The following NAALADL2 variants were observed in gnomAD, a reference collection of about 807,000 sequenced individuals.
The protein encoded by NAALADL2 is N-acetylated alpha-linked acidic dipeptidase like 2, also known as inactive N-acetylated-alpha-linked acidic dipeptidase-like protein 2.
In NAALADL2, 76 loss-of-function variants were observed where a neutral mutation model predicts 87.2. That is an observed-to-expected ratio of 0.87 (90% CI 0.72 to 1.05). The LOEUF (loss-of-function observed/expected upper bound fraction) is 1.05. NAALADL2 is among the 50% of genes least tolerant of loss of function. The pLI is 0.00. For missense variants in NAALADL2, 1,089 were observed against 945.8 expected, an observed-to-expected ratio of 1.15 and a Z score of -1.99; for synonymous variants, 354 against 331.0, an observed-to-expected ratio of 1.07 and a Z score of -0.75.
At chr3:175,379,228 A>G (rs368635534) in intron 5 of NAALADL2, among the ~76,000 whole-genome samples, 134 of 141,136 alleles carry the variant, frequency 9.5e-4, no homozygotes, top group Middle Eastern at 3.7e-3. Context: ...GTCTTCTTTC[A>G]TTATTTTCAG....
chr3:175,748,969 T>A (rs1347621957), intron 12 of NAALADL2, among the ~76,000 whole-genome samples: 1 of 150,966 alleles, frequency 6.6e-6, no homozygotes, highest in African/African-American at 2.4e-5. Flanking sequence ...TAGCTGGACA[T>A]GGTTGTGCAA....
Position 175,382,592 on chromosome 3 carries a change from C to T in NAALADL2, c.1090+58267C>T, listed in dbSNP as rs912938067. 6.5e-5 allele frequency among the ~76,000 whole-genome samples: 3 copies of T among 45,926 alleles called. 1 individual carries two copies. Among genetic ancestry groups the T allele is most frequent in the Non-Finnish European group, 1.5e-4 (3 of 19,906 alleles). 30.1% of individuals were successfully genotyped at this position (45,926 alleles called of 152,430 possible). ...AATTGCAATGAGACTGATAGATTGTCGGATCATATGGTAACAATTTTACAT... is the reference window on the plus strand; with the variant it reads ...AATTGCAATGAGACTGATAGATTGTTGGATCATATGGTAACAATTTTACAT... On this transcript the variant is annotated intron_variant, in intron 5 of 13. Transcript: ENST00000454872.
chr3:174,575,749 G>T (rs1195125942), intron 2 of NAALADL2, among the ~76,000 whole-genome samples: 1 of 152,122 alleles, frequency 6.6e-6, no homozygotes, highest in Non-Finnish European at 1.5e-5. Flanking sequence ...ATGTAGGTAT[G>T]CATTTCAGCT....
intron 10 of NAALADL2, among the ~76,000 whole-genome samples, chr3:175,596,991 C>T (rs1722329524): frequency 6.6e-6 from 1 of 151,866 alleles, no homozygotes; most frequent in Non-Finnish European, 1.5e-5. Flanking sequence ...TAAAAGATGG[C>T]ATTTATATGT....
chr3:175,444,030 C>T (rs761674646), intron 5 of NAALADL2, among the ~76,000 whole-genome samples: 1 of 152,140 alleles, frequency 6.6e-6, no homozygotes, highest in East Asian at 1.9e-4. Flanking sequence ...GGACGTGGCT[C>T]ATGGAGTATG....
intron 1 of NAALADL2, among the ~76,000 whole-genome samples, chr3:174,898,460 CAAT>C (rs1417761459): frequency 1.3e-5 from 2 of 151,718 alleles, no homozygotes; most frequent in Admixed American, 1.3e-4. Context: ...TGACTATAGT[CAAT>C]AATAACTTAA....
chr3:174,767,238 A>C (rs1713927329), intron 3 of NAALADL2, among the ~76,000 whole-genome samples: 1 of 152,204 alleles, frequency 6.6e-6, no homozygotes, highest in African/African-American at 2.4e-5. Flanking sequence ...CGATTTAATA[A>C]TAAATGATAT....
chr3:175,194,457 T>C (rs1738684141), intron 2 of NAALADL2, among the ~76,000 whole-genome samples: 1 of 151,906 alleles, frequency 6.6e-6, no homozygotes, highest in African/African-American at 2.4e-5. Flanking sequence ...TATTTAGCAA[T>C]GTGAAAATTA....
chr3:175,088,316 C>T (rs1409388005), intron 1 of NAALADL2, among the ~76,000 whole-genome samples: 1 of 152,146 alleles, frequency 6.6e-6, no homozygotes. Flanking sequence ...AATTTTGTTA[C>T]TAACAGAATT....
At chr3:175,311,958 G>A (rs552894341) in intron 4 of NAALADL2, among the ~76,000 whole-genome samples, 21 of 152,246 alleles carry the variant, frequency 1.4e-4, no homozygotes, top group African/African-American at 4.6e-4. Flanking sequence ...ATTTGAAGAA[G>A]AATGATGTGA....
At chr3:174,987,307 C>T (rs1028482006) in intron 1 of NAALADL2, among the ~76,000 whole-genome samples, 6 of 151,924 alleles carry the variant, frequency 3.9e-5, no homozygotes, top group Admixed American at 1.3e-4. Context: ...CGGTGGCTCA[C>T]GCCTGTAATC....
chr3:175,572,409 C>CAAA (rs80278132), intron 9 of NAALADL2, among the ~76,000 whole-genome samples: 45 of 97,222 alleles, frequency 4.6e-4, no homozygotes, highest in African/African-American at 1.4e-3. Flanking sequence ...GTTGGTTTAC[C>CAAA]AAAAAAAAAA....
At chr3:174,477,950 A>T (rs1717311083) in intron 1 of NAALADL2, among the ~76,000 whole-genome samples, 1 of 152,302 alleles carries the variant, frequency 6.6e-6, no homozygotes, top group Middle Eastern at 3.4e-3. Flanking sequence ...AGATTAATGG[A>T]GAAAAGTCAT....
chr3:175,700,256 G>T (rs1204709675), intron 11 of NAALADL2, among the ~76,000 whole-genome samples: 1 of 152,086 alleles, frequency 6.6e-6, no homozygotes, highest in Non-Finnish European at 1.5e-5. Context: ...CCCAGCTTCA[G>T]TTGAGGCCGT....
chr3:174,845,897 G>A (rs575663145), intron 3 of NAALADL2, among the ~76,000 whole-genome samples: 2 of 152,290 alleles, frequency 1.3e-5, no homozygotes, highest in South Asian at 4.1e-4. Context: ...GAGGTTGGTG[G>A]TCATTGGCTC....
intron 11 of NAALADL2, among the ~76,000 whole-genome samples, chr3:175,687,475 A>T (rs1219861319): frequency 1.3e-5 from 2 of 152,162 alleles, no homozygotes; most frequent in Non-Finnish European, 2.9e-5. Flanking sequence ...AGTTTACATA[A>T]CAGCCGCATT....
intron 2 of NAALADL2, among the ~76,000 whole-genome samples, chr3:174,731,122 A>G (rs1378374892): frequency 6.6e-6 from 1 of 152,076 alleles, no homozygotes; most frequent in Non-Finnish European, 1.5e-5. Context: ...ACTATCATGG[A>G]AAGGCAACAT....
At chr3:175,457,534 T>A (rs187073591) in intron 6 of NAALADL2, among the ~76,000 whole-genome samples, 10 of 152,214 alleles carry the variant, frequency 6.6e-5, no homozygotes, top group Admixed American at 3.9e-4. Context: ...TTCCTTTTTT[T>A]ATTTTGTGTT....
At chr3:175,731,568 G>A (rs973774991) in intron 11 of NAALADL2, among the ~76,000 whole-genome samples, 1 of 152,224 alleles carries the variant, frequency 6.6e-6, no homozygotes, top group African/African-American at 2.4e-5. Context: ...GAGGAAGACT[G>A]AGTTTCAGAG....
Sources: allele counts gnomAD v4.1 joint callset (sites outside exome capture counted in the v4.1 genomes callset), GRCh38; gene constraint gnomAD v4.1.1; transcripts MANE v1.5; gene names NCBI Gene and HGNC (gene_info 2026-07-23, HGNC 2026-07-21).